Variants in ZNF232 observed in about 807,000 individuals in gnomAD.
The protein encoded by ZNF232 is zinc finger and SCAN domain-containing protein 11.
A neutral mutation model predicts 25.2 loss-of-function variants in ZNF232; 25 were observed. That is an observed-to-expected ratio of 0.99 (90% confidence interval 0.72 to 1.39). The LOEUF (loss-of-function observed/expected upper bound fraction) is 1.39. Among genes scored for constraint, ZNF232 ranks in the 40% most tolerant of loss-of-function variants. The probability of loss-of-function intolerance (pLI) is 0.00; values close to 1 mark genes in which losing one functional copy is unlikely to be tolerated. For missense variants in ZNF232, 519 were observed against 520.9 expected (o/e 1.00, Z 0.04); for synonymous variants, 193 against 182.9 (o/e 1.06, Z -0.45).
At chr17:5,121,301 T>C (rs2143715788) in intron 1 of ZNF232, 1 of 354,714 alleles carries the variant, frequency 2.8e-6, no homozygotes, top group South Asian at 2.2e-5. Flanking sequence ...GGCTAGGATA[T>C]GGTTCTCAGC....
chr17:5,120,935 A>T (rs953047276), intron 1 of ZNF232: 1 of 454,440 alleles, frequency 2.2e-6, no homozygotes, highest in Non-Finnish European at 4.4e-6. Context: ...ATTTCGATGT[A>T]AAATGTGAGG....
upstream of ZNF232, among the ~76,000 whole-genome samples, chr17:5,115,777 C>A (rs552053517): frequency 6.6e-6 from 1 of 152,346 alleles, no homozygotes; most frequent in Admixed American, 6.5e-5. Context: ...CCTTCACTCT[C>A]CTGCACTCGT....
At chr17:5,109,038 T>G in exon 3 of ZNF232, 1 of 1,614,122 alleles carries the variant, frequency 6.2e-7, no homozygotes. Flanking sequence ...CAGGTCCATG[T>G]GCAGGGCCTG....
chr17:5,108,844 T>C, intron 3 of ZNF232, 82 bp downstream of exon 3: 1 of 1,597,584 alleles, frequency 6.3e-7, no homozygotes, highest in Non-Finnish European at 8.6e-7. Flanking sequence ...CCTACTACTA[T>C]TTACCCTTTA....
chr17:5,113,232 C>T (rs908927590), upstream of ZNF232: 1 of 152,218 alleles, frequency 6.6e-6, no homozygotes, highest in African/African-American at 2.4e-5. Flanking sequence ...TTGATAATTA[C>T]TGCACGTAGG....
rs747177874 is a variant in ZNF232 at position 5,106,015 on chromosome 17, A to T, written c.1117T>A (p.Ser373Thr). 3.2e-5 allele frequency: 51 copies of T among 1,613,986 alleles called. No homozygotes were observed. Among genetic ancestry groups the T allele is most frequent in the Non-Finnish European group, 4.3e-5 (51 of 1,179,998 alleles). The change falls in exon 4 of 4, where the codon TCA becomes ACA. Residue 373 changes from serine (S) to threonine (T), a missense_variant. By Grantham distance (58) the Ser-to-Thr change is moderately conservative. Coordinates refer to ENST00000575898, the Ensembl canonical transcript of ZNF232. ...TTACACTCATAGGGCTTCTCTCCTG[A>T]GTGAATCCTCTGATGCTGAACAAGA...
upstream of ZNF232, among the ~76,000 whole-genome samples, chr17:5,112,591 A>G (rs563619603): frequency 1.5e-3 from 229 of 149,396 alleles, no homozygotes; most frequent in Middle Eastern, 3.5e-3. Flanking sequence ...AGCTGGGACT[A>G]GAGGCGCCCG....
chr17:5,106,350 TTTCTC>T lies in ZNF232; in HGVS notation c.777_781del (p.Arg260SerfsTer24). On this transcript the variant is annotated frameshift_variant, in exon 4 of 4. Coordinates refer to ENST00000575898, the Ensembl canonical transcript of ZNF232. LOFTEE classifies it low-confidence loss of function (END_TRUNC). ...CCACCTCAGTCTCTCCGCTTTGGGA[TTTCTC>T]TGCTGCAGTTCTAAGGTACCCTCAG... The T allele has an allele frequency of 6.2e-7, 1 of 1,614,214 alleles. No individual in the cohort carries two copies. The highest frequency in any genetic ancestry group is 1.1e-5 in the South Asian group (1 of 91,074).
At chr17:5,118,068 CA>C (rs57176092) in intron 1 of ZNF232, 1,625 of 108,922 alleles carry the variant, frequency 0.015, 19 homozygotes, top group African/African-American at 0.039. Flanking sequence ...GACTCCGTCT[CA>C]AAAAAAAAAA....
rs754901958 is a variant in ZNF232, at chr17:5,108,924, A to T, written c.625+2T>A. The T allele has an allele frequency of 6.2e-7, 1 of 1,613,638 alleles. No individual in the cohort carries two copies. ...CCCTCCCCACAGAATCCTGCTCCTC[A>T]CCACTCTTTGGGAAAGGCTGGGTCT... On this transcript the variant is annotated splice_donor_variant, in intron 3 of 3. Transcript: ENST00000575898. LOFTEE classifies it high-confidence loss of function.
At chr17:5,122,077 G>A (rs1597957570) in intron 1 of ZNF232, among the ~76,000 whole-genome samples, 1 of 151,658 alleles carries the variant, frequency 6.6e-6, no homozygotes, top group African/African-American at 2.4e-5. Flanking sequence ...TGGGGCCAGA[G>A]AGATGTGTCA....
intron 3 of ZNF232, among the ~76,000 whole-genome samples, chr17:5,107,399 A>G (rs997385017): frequency 6.7e-6 from 1 of 148,920 alleles, no homozygotes. Flanking sequence ...AAAAGGAAAA[A>G]AAAAAAAAAA....
intron 2 of ZNF232, 111 bp from the exon 3 acceptor site, chr17:5,109,163 A>C (rs1246136543): frequency 1.3e-6 from 2 of 1,513,266 alleles, no homozygotes; most frequent in East Asian, 4.5e-5. Flanking sequence ...CAAAGCTTCC[A>C]AGGAGACTTT....
exon 4 of ZNF232, chr17:5,106,397 A>G (rs2143565400): frequency 6.2e-7 from 1 of 1,614,218 alleles, no homozygotes; most frequent in African/African-American, 1.3e-5. Context: ...CTTCAAATGT[A>G]GAGGTGTCAG....
At chr17:5,118,654 C>T (rs1352619933) in intron 1 of ZNF232, among the ~76,000 whole-genome samples, 1 of 152,200 alleles carries the variant, frequency 6.6e-6, no homozygotes, top group African/African-American at 2.4e-5. Flanking sequence ...GGGTCCCAAG[C>T]TCTTGTCTGG....
chr17:5,121,862 TG>T lies in ZNF232; in HGVS notation c.-530+1114del, dbSNP rs747442939. On this transcript the variant is annotated intron_variant, in intron 1 of 4. Transcript: ENST00000250076. ...CAGGAGGTGTGAATGTGGGAACCTG[TG>T]GGGGTTTGCAGGAGGTGAAACTGAC... The T allele has an allele frequency of 4.2e-3, 640 of 152,854 alleles. 3 individuals are homozygous for T. Among genetic ancestry groups the T allele is most frequent in the Non-Finnish European group, 5.8e-3 (394 of 68,122 alleles). The allele number at this position is 152,854 out of a possible 1,614,324, so 9.5% of individuals were successfully genotyped here.
chr17:5,122,133 A>T (rs1197135924), intron 1 of ZNF232, among the ~76,000 whole-genome samples: 4 of 94,384 alleles, frequency 4.2e-5, no homozygotes, highest in Admixed American at 3.9e-4. Context: ...TGCGGGGTGG[A>T]GGGTGGGTCG....
At chr17:5,119,553 C>T (rs1374021552) in intron 1 of ZNF232, among the ~76,000 whole-genome samples, 1 of 152,196 alleles carries the variant, frequency 6.6e-6, no homozygotes, top group Admixed American at 6.5e-5. Flanking sequence ...CAGTCCAGTT[C>T]CCATCTTTTA....
upstream of ZNF232, chr17:5,112,048 G>T (rs968170912): frequency 9.4e-6 from 6 of 636,604 alleles, no homozygotes; most frequent in African/African-American, 9.4e-5. Flanking sequence ...TGCACGACTG[G>T]ACTGGAGCGG....
Sources: gnomAD v4.1 joint callset for allele counts (sites outside exome capture counted in the v4.1 genomes callset) on GRCh38, gnomAD v4.1.1 for gene constraint, MANE v1.5 for transcripts, NCBI Gene and HGNC (gene_info 2026-07-23, HGNC 2026-07-21) for gene names.